MGA: variants seen among roughly 807,000 people sequenced by gnomAD.
MGA encodes MAX gene-associated protein.
MGA carries 40 observed loss-of-function variants against 261.1 expected under a neutral mutation model. The observed-to-expected ratio is 0.15, with a 90% CI of 0.12 to 0.20. MGA has a LOEUF of 0.20. Ranked by LOEUF, MGA falls within the 10% of genes least tolerant of loss-of-function variation. MGA has a pLI of 1.00. For synonymous variants in MGA, 1,302 were observed against 1,290.6 expected, an observed-to-expected ratio of 1.01 and a Z score of -0.19; for missense variants, 3,397 against 3,630.5, an observed-to-expected ratio of 0.94 and a Z score of 1.65.
At position 41,766,581 on chromosome 15, in the gene MGA, T is replaced by G. The variant is rs758143688; in HGVS notation, c.8499T>G (p.Leu2833=). Residue 2833 remains leucine (L), a synonymous_variant, in exon 24 of 24, where the codon CTT becomes CTG. Coordinates refer to ENST00000219905, the MANE Select transcript of MGA (RefSeq NM_001164273.2). ...CACTGCTCAATGAAATTGCCTTTCT[T>G]AATCAACAACTAAATGATGACTCTG... 1.7e-5 allele frequency: 27 copies of G among 1,613,854 alleles called. No individual in the cohort carries two copies. The highest frequency in any genetic ancestry group is 2.1e-5 in the Non-Finnish European group (25 of 1,179,866).
chr15:41,696,659 A>C lies in MGA; in HGVS notation c.1649A>C (p.Gln550Pro). The C allele has an allele frequency of 6.2e-7, 1 of 1,613,116 alleles. No homozygotes were observed. The highest frequency in any genetic ancestry group is 8.5e-7 in the Non-Finnish European group (1 of 1,179,462). The change falls in exon 3 of 24, where the codon CAG becomes CCG. Residue 550 changes from glutamine to proline, a missense_variant. Coordinates refer to ENST00000219905, the MANE Select transcript of MGA (RefSeq NM_001164273.2). ...AAATATCCCTTACTGAAAGAGCCTC[A>C]GTGGAAATATCCTGATATATCTGAC...
At chr15:41,641,094 T>C (rs1043999879) in intron 1 of MGA, among the ~76,000 whole-genome samples, 2 of 152,352 alleles carry the variant, frequency 1.3e-5, no homozygotes, top group Non-Finnish European at 1.5e-5. Flanking sequence ...TCATACAAAA[T>C]GAGGTCCTTT....
chr15:41,722,574 A>G (rs535773345), intron 9 of MGA, among the ~76,000 whole-genome samples: 1 of 152,272 alleles, frequency 6.6e-6, no homozygotes, highest in East Asian at 1.9e-4. Context: ...AATTGATAGC[A>G]CTGTTCTATT....
intron 2 of MGA, among the ~76,000 whole-genome samples, chr15:41,681,887 T>G (rs2058698987): frequency 6.6e-6 from 1 of 152,204 alleles, no homozygotes; most frequent in Non-Finnish European, 1.5e-5. Context: ...ATTTGTAGTT[T>G]ATATGTACTG....
chr15:41,636,307 T>A (rs1595550036), intron 1 of MGA, among the ~76,000 whole-genome samples: 1 of 151,834 alleles, frequency 6.6e-6, no homozygotes, highest in Admixed American at 6.6e-5. Flanking sequence ...ATTTTATTTT[T>A]TTTGAGATGG....
intron 2 of MGA, among the ~76,000 whole-genome samples, chr15:41,682,744 G>T (rs1215392872): frequency 6.6e-6 from 1 of 152,066 alleles, no homozygotes; most frequent in Non-Finnish European, 1.5e-5. Context: ...GCCTCCCAAA[G>T]TGCTGGGATT....
At chr15:41,708,045 A>T in intron 6 of MGA, 59 bp from the exon 7 acceptor site, 1 of 1,414,888 alleles carries the variant, frequency 7.1e-7, no homozygotes, top group Non-Finnish European at 9.6e-7. Context: ...TTAATTAACT[A>T]GGTCCATAAT....
Position 41,696,468 on chromosome 15 carries a change from C to T in MGA, c.1458C>T (p.Leu486=), listed in dbSNP as rs147638389. The stretch of plus-strand genomic sequence containing the variant: ...GAAGCACAGTTAAGATTTCTGAACT[C>T]CCCGATAACATGCTTTCCACATCTC... Residue 486 remains leucine (L), a synonymous_variant, in exon 3 of 24, where the codon CTC becomes CTT. Transcript: ENST00000219905. 139 of 1,613,980 alleles carry T rather than the reference C, an allele frequency of 8.6e-5. No homozygotes were observed. The East Asian group carries it at 3.1e-3, about 36-fold the overall frequency.
At chr15:41,742,440 G>A in intron 14 of MGA, 106 bp from the exon 15 acceptor site, 1 of 1,332,186 alleles carries the variant, frequency 7.5e-7, no homozygotes, top group Non-Finnish European at 1.0e-6. Flanking sequence ...GGTAGTACCT[G>A]TAAGAAATTG....
chr15:41,701,368 C>T, intron 5 of MGA, among the ~76,000 whole-genome samples: 1 of 152,174 alleles, frequency 6.6e-6, no homozygotes, highest in East Asian at 1.9e-4. Flanking sequence ...TCAGTGCTTG[C>T]AGCTGGTCCT....
At position 41,748,679 on chromosome 15, in the gene MGA, C is replaced by T. The variant is rs777649295; in HGVS notation, c.5255C>T (p.Pro1752Leu). 5.6e-6 allele frequency: 9 copies of T among 1,613,928 alleles called. No individual in the cohort carries two copies. In the East Asian group the frequency reaches 1.6e-4, roughly 28 times the overall value. The stretch of plus-strand genomic sequence containing the variant: ...CCAGTGGCTACTCCACAGGTCTCTC[C>T]TAACACAGTGAAACGTGCTGGACCT... Residue 1752 changes from proline to leucine, a missense_variant, in exon 16 of 24, where the codon CCT (proline) becomes CTT (leucine). Physicochemically the swap from Pro to Leu is moderately conservative, Grantham distance 98. Coordinates refer to ENST00000219905, the MANE Select transcript of MGA (RefSeq NM_001164273.2).
intron 1 of MGA, among the ~76,000 whole-genome samples, chr15:41,660,978 C>A (rs2057365991): frequency 6.6e-6 from 1 of 152,224 alleles, no homozygotes; most frequent in Non-Finnish European, 1.5e-5. Context: ...TCTAGAACTC[C>A]AAGGGAAACG....
At chr15:41,679,197 G>A (rs560988391) in intron 2 of MGA, among the ~76,000 whole-genome samples, 26 of 152,012 alleles carry the variant, frequency 1.7e-4, no homozygotes, top group Non-Finnish European at 2.9e-4. Flanking sequence ...CACTGTGCCC[G>A]GCTAATTTTT....
chr15:41,662,583 G>A (rs1343434724), intron 1 of MGA, among the ~76,000 whole-genome samples: 1 of 152,134 alleles, frequency 6.6e-6, no homozygotes, highest in Non-Finnish European at 1.5e-5. Context: ...GTAAAAATAA[G>A]CAAATGATGG....
upstream of MGA, among the ~76,000 whole-genome samples, chr15:41,658,680 G>C (rs2057261180): frequency 6.6e-6 from 1 of 151,432 alleles, no homozygotes; most frequent in Admixed American, 6.6e-5. Flanking sequence ...GAGATCTGTA[G>C]TACTGAATCT....
At chr15:41,728,004 T>C (rs561736707) in intron 10 of MGA, among the ~76,000 whole-genome samples, 4 of 152,298 alleles carry the variant, frequency 2.6e-5, no homozygotes, top group Admixed American at 6.5e-5. Flanking sequence ...AGAGCTATTA[T>C]AGTATAAAAC....
chr15:41,699,511 T>G (rs749383418), intron 5 of MGA, among the ~76,000 whole-genome samples: 16 of 144,006 alleles, frequency 1.1e-4, no homozygotes, highest in South Asian at 2.2e-4. Flanking sequence ...GTGTGTGTGT[T>G]TGTTTGAGAC....
chr15:41,713,768 A>C (rs1471788070), intron 9 of MGA, among the ~76,000 whole-genome samples: 1 of 152,106 alleles, frequency 6.6e-6, no homozygotes, highest in Non-Finnish European at 1.5e-5. Flanking sequence ...TTGATCTTTG[A>C]GTTTCTTCCA....
chr15:41,705,509 G>A (rs184187988), intron 5 of MGA, among the ~76,000 whole-genome samples: 7 of 152,174 alleles, frequency 4.6e-5, no homozygotes, highest in East Asian at 1.9e-4. Context: ...TCACAGGCAC[G>A]TGCCATTACA....
Sources: allele counts gnomAD v4.1 joint callset (sites outside exome capture counted in the v4.1 genomes callset), GRCh38; gene constraint gnomAD v4.1.1; transcripts MANE v1.5; gene names NCBI Gene and HGNC (gene_info 2026-07-23, HGNC 2026-07-21).